The following ABCC5 variants were observed in gnomAD, a reference collection of about 807,000 sequenced individuals.
ABCC5 encodes ATP binding cassette subfamily C member 5.
Under a neutral mutation model 160.9 loss-of-function variants are expected in ABCC5, and 61 were observed. That is an observed-to-expected ratio of 0.38 (90% CI 0.31 to 0.47). ABCC5 has a LOEUF of 0.47. Among genes scored for constraint, ABCC5 ranks in the 20% least tolerant of loss-of-function variants. The pLI is 0.99. For synonymous variants in ABCC5, 666 were observed against 700.6 expected, an observed-to-expected ratio of 0.95 and a Z score of 0.78; for missense variants, 1,308 against 1,813.3, an observed-to-expected ratio of 0.72 and a Z score of 5.06.
In ABCC5 at chr3:183,947,482, C is replaced by T. The variant is rs776353307; in HGVS notation, c.3256G>A (p.Ala1086Thr). ...GCACACGTAAACAAAAAAAAAGGAG[C>T]TTGGTTGTCATCCAGCAGCTCCTGG... ...RYQELLDDNQ[A>T]PFFLFTCAMR... Residue 1086 changes from alanine (A) to threonine (T), a missense_variant, in exon 23 of 30, where the codon GCT becomes ACT. Around this residue, in one of 3 missense-constraint regions of ABCC5, gnomAD observed 1,142 missense variants for 1,527.1 expected, o/e 0.75. Transcript: ENST00000334444. 5.6e-6 allele frequency: 9 copies of T among 1,603,488 alleles called. No homozygotes were observed. The highest frequency in any genetic ancestry group is 1.3e-5 in the African/African-American group (1 of 74,426).
rs557717285 is a variant in ABCC5, at chr3:183,965,070, A to G, written c.2031+115T>C. On this transcript the variant is annotated intron_variant, in intron 14 of 29. Transcript: ENST00000334444. Reference sequence around the variant, plus strand: ...TTTCCTAACACAAAGGCCTAATGACAGCCTAACTCCCTGTGAGGCTCTTCT... The same window carrying G: ...TTTCCTAACACAAAGGCCTAATGACGGCCTAACTCCCTGTGAGGCTCTTCT... 77 of 1,039,400 alleles carry G rather than the reference A, an allele frequency of 7.4e-5. 1 individual carries two copies. The South Asian group carries it at 1.1e-3, about 15-fold the overall frequency. 64.4% of individuals were successfully genotyped at this position (1,039,400 alleles called of 1,614,324 possible). A position where few individuals can be genotyped will look rare whatever the true frequency, so the allele number is the denominator to read the frequency against.
intron 1 of ABCC5, among the ~76,000 whole-genome samples, chr3:184,016,579 A>G (rs1274040566): frequency 6.6e-6 from 1 of 152,156 alleles, no homozygotes; most frequent in South Asian, 2.1e-4. Context: ...ATATTTCCCT[A>G]TCTTCTCGTG....
chr3:183,943,077 ATCATCACTAAAC>A (rs1308692508), intron 24 of ABCC5, among the ~76,000 whole-genome samples, 161 bp from the exon 25 acceptor site: 4 of 152,190 alleles, frequency 2.6e-5, no homozygotes, highest in Non-Finnish European at 5.9e-5. Flanking sequence ...GTAAATGCTT[ATCATCACTAAAC>A]TCGACAGAGA....
intron 2 of ABCC5, among the ~76,000 whole-genome samples, chr3:184,010,950 C>T (rs1721684740): frequency 6.6e-6 from 1 of 151,952 alleles, no homozygotes; most frequent in Non-Finnish European, 1.5e-5. Context: ...CTGTGTTGCC[C>T]AGGCTGGTCT....
At chr3:183,969,002 T>C (rs1717489229) in intron 11 of ABCC5, among the ~76,000 whole-genome samples, 1 of 152,206 alleles carries the variant, frequency 6.6e-6, no homozygotes, top group Admixed American at 6.5e-5. Flanking sequence ...GTTTACTGCC[T>C]GGTGGCAACA....
In ABCC5 at chr3:184,014,250, G is replaced by A; in HGVS notation, c.129+14C>T. On this transcript the variant is annotated intron_variant, in intron 2 of 29. Transcript: ENST00000334444. ...CAACAAGCAGGTAAGAGACTCTTAGGAAAGGAAACTGACCGGTCGAGTTCT... is the reference window on the plus strand; with the variant it reads ...CAACAAGCAGGTAAGAGACTCTTAGAAAAGGAAACTGACCGGTCGAGTTCT... The A allele has an allele frequency of 6.2e-7, 1 of 1,609,900 alleles. No individual in the cohort carries two copies. Among genetic ancestry groups the A allele is most frequent in the Non-Finnish European group, 8.5e-7 (1 of 1,178,176 alleles).
chr3:183,928,699 T>TGAGATGGTGAGGG, intron 27 of ABCC5, 48 bp downstream of exon 27: 1 of 1,561,120 alleles, frequency 6.4e-7, no homozygotes, highest in African/African-American at 1.4e-5. Context: ...ACTGCTGTGC[T>TGAGATGGTGAGGG]TCCACCCTCA....
intron 12 of ABCC5, 86 bp downstream of exon 12, chr3:183,967,609 T>G: frequency 5.8e-6 from 7 of 1,201,104 alleles, no homozygotes; most frequent in Non-Finnish European, 8.6e-6. Flanking sequence ...CCACCTTTCC[T>G]GACTCTCCAG....
At chr3:184,006,692 T>C (rs1279719800) in intron 2 of ABCC5, among the ~76,000 whole-genome samples, 1 of 152,202 alleles carries the variant, frequency 6.6e-6, no homozygotes, top group Non-Finnish European at 1.5e-5. Context: ...TTCCTAACAA[T>C]ACATCTTCGA....
intron 17 of ABCC5, among the ~76,000 whole-genome samples, chr3:183,956,232 G>A (rs1215768403): frequency 1.5e-5 from 2 of 137,732 alleles, no homozygotes; most frequent in Non-Finnish European, 3.1e-5. Flanking sequence ...AAATCACATC[G>A]GTTACATGCA....
intron 5 of ABCC5, chr3:183,986,736 G>A (rs1260742452): frequency 6.6e-6 from 1 of 152,090 alleles, no homozygotes; most frequent in Non-Finnish European, 1.5e-5. Context: ...TCTTCTTGGG[G>A]GAAGCTGGCT....
chr3:184,010,033 G>GT (rs777647435), intron 2 of ABCC5: 38 of 409,978 alleles, frequency 9.3e-5, no homozygotes, highest in South Asian at 4.5e-4. Flanking sequence ...ATGGCCAGAT[G>GT]TGGTGGCTGA....
intron 2 of ABCC5, among the ~76,000 whole-genome samples, chr3:184,002,586 T>A (rs1349853525): frequency 6.6e-6 from 1 of 152,210 alleles, no homozygotes; most frequent in African/African-American, 2.4e-5. Context: ...GCTAACGCCA[T>A]CCTCAGGCCT....
chr3:184,000,644 T>C (rs868327346), intron 2 of ABCC5: 4 of 152,168 alleles, frequency 2.6e-5, no homozygotes, highest in Non-Finnish European at 5.9e-5. Context: ...GAGAGAAATA[T>C]AGACAAACAT....
chr3:183,956,691 G>T (rs1716038588), intron 17 of ABCC5, among the ~76,000 whole-genome samples: 1 of 91,298 alleles, frequency 1.1e-5, no homozygotes, highest in Non-Finnish European at 2.1e-5. Flanking sequence ...GTTACATGCA[G>T]ATCCGTGTGT....
At chr3:183,942,497 G>T in intron 25 of ABCC5, 1 of 669,414 alleles carries the variant, frequency 1.5e-6, no homozygotes, top group Non-Finnish European at 2.7e-6. Context: ...TTTCGTACTT[G>T]GCTGTGTGCC....
chr3:183,924,666 G>A (rs182935611), intron 29 of ABCC5, among the ~76,000 whole-genome samples: 78 of 152,328 alleles, frequency 5.1e-4, no homozygotes, highest in Admixed American at 2.6e-3. Flanking sequence ...GTAGTACTAA[G>A]CACTGCTGGG....
At chr3:183,947,654 A>T (rs1714972703) in intron 22 of ABCC5, 144 bp from the exon 23 acceptor site, 4 of 658,574 alleles carry the variant, frequency 6.1e-6, no homozygotes, top group Non-Finnish European at 9.9e-6. Flanking sequence ...AAACTCCAGG[A>T]GGGTATTCTA....
At chr3:183,961,327 T>C (rs1716711541) in intron 16 of ABCC5, among the ~76,000 whole-genome samples, 184 bp downstream of exon 16, 1 of 152,062 alleles carries the variant, frequency 6.6e-6, no homozygotes, top group South Asian at 2.1e-4. Flanking sequence ...AGCCCCACAA[T>C]CCTGCTCTCC....
Sources: gnomAD v4.1 joint callset for allele counts (sites outside exome capture counted in the v4.1 genomes callset) on GRCh38, gnomAD v4.1.1 for gene constraint, gnomAD v4.1.1 regional missense constraint, MANE v1.5 for transcripts, NCBI Gene and HGNC (gene_info 2026-07-23, HGNC 2026-07-21) for gene names.